The following JARID2 variants were observed in gnomAD, a reference collection of about 807,000 sequenced individuals.
The protein encoded by JARID2 is jumonji and AT-rich interaction domain containing 2, also known as protein Jumonji.
A neutral mutation model predicts 125.6 loss-of-function variants in JARID2; 21 were observed. The ratio of observed to expected loss-of-function variants is 0.17; its 90% CI spans 0.12 to 0.24. JARID2 has a LOEUF of 0.24. JARID2 is among the 10% of genes least tolerant of loss of function. JARID2 has a pLI of 1.00. For missense variants in JARID2, 1,303 were observed against 1,639.6 expected, an observed-to-expected ratio of 0.79 and a Z score of 3.55; for synonymous variants, 736 against 661.6, an observed-to-expected ratio of 1.11 and a Z score of -1.73.
chr6:15,266,139 A>G (rs1222068424), intron 1 of JARID2, among the ~76,000 whole-genome samples: 1 of 152,098 alleles, frequency 6.6e-6, no homozygotes, highest in Non-Finnish European at 1.5e-5. Context: ...GTGTCTTCCC[A>G]TTTTACCTTA....
At chr6:15,332,224 G>T (rs551427768) in intron 1 of JARID2, among the ~76,000 whole-genome samples, 1 of 152,146 alleles carries the variant, frequency 6.6e-6, no homozygotes, top group African/African-American at 2.4e-5. Context: ...TATTTACAGG[G>T]CATGTCAAAT....
intron 3 of JARID2, among the ~76,000 whole-genome samples, chr6:15,448,795 C>G (rs1394787991): frequency 2.0e-5 from 3 of 151,788 alleles, no homozygotes; most frequent in South Asian, 2.1e-4. Context: ...ACTGTGTGCT[C>G]GAGACCTGGC....
chr6:15,409,112 T>C (rs923255155), intron 2 of JARID2, among the ~76,000 whole-genome samples: 4 of 152,236 alleles, frequency 2.6e-5, no homozygotes, highest in African/African-American at 9.6e-5. Flanking sequence ...TCAGAATGTT[T>C]ATGTATTTTT....
chr6:15,261,963 G>A (rs1447018494), intron 1 of JARID2, among the ~76,000 whole-genome samples: 2 of 151,664 alleles, frequency 1.3e-5, no homozygotes, highest in African/African-American at 2.4e-5. Context: ...TGTATTTTTA[G>A]TAGAGGCGGG....
At chr6:15,488,113 C>G (rs1415414843) in intron 6 of JARID2, among the ~76,000 whole-genome samples, 1 of 152,164 alleles carries the variant, frequency 6.6e-6, no homozygotes, top group Non-Finnish European at 1.5e-5. Context: ...GTGGCTGCCA[C>G]CCTGACCACC....
Position 15,501,169 on chromosome 6 carries a change from G to T in JARID2, c.2208G>T (p.Pro736=), listed in dbSNP as rs771749409. 3 of 1,614,094 alleles carry T rather than the reference G, an allele frequency of 1.9e-6. No homozygotes were observed. The highest frequency in any genetic ancestry group is 1.7e-6 in the Non-Finnish European group (2 of 1,180,000). Residue 736 remains proline, a synonymous_variant, in exon 8 of 18, where the codon CCG becomes CCT. Coordinates refer to ENST00000341776, the MANE Select transcript of JARID2 (RefSeq NM_004973.4). ...AGATCCTGGAGAAGCGCAAGGGGCC[G>T]CTGGAAGGCCACACAGAGAACGACC... ...EKEILEKRKG[P]LEGHTENDHH...
chr6:15,479,037 C>T (rs1178241971), intron 5 of JARID2, among the ~76,000 whole-genome samples: 2 of 152,184 alleles, frequency 1.3e-5, no homozygotes, highest in East Asian at 3.8e-4. Context: ...TTAACGCCAT[C>T]CTTTTCTGAG....
At chr6:15,464,729 A>G (rs1344562082) in intron 4 of JARID2, among the ~76,000 whole-genome samples, 1 of 152,126 alleles carries the variant, frequency 6.6e-6, no homozygotes, top group African/African-American at 2.4e-5. Flanking sequence ...TCCATTCAAC[A>G]TATTACCTCC....
intron 16 of JARID2, among the ~76,000 whole-genome samples, chr6:15,515,074 GTC>G (rs1202597304): frequency 3.3e-5 from 5 of 151,676 alleles, no homozygotes; most frequent in Non-Finnish European, 7.4e-5. Flanking sequence ...GTTTGAGACA[GTC>G]TTGCTCTGTT....
At position 15,318,486 on chromosome 6, in the gene JARID2, T is replaced by TTGG. The variant is rs1165483550; in HGVS notation, c.46-55617_46-55615dup. On this transcript the variant is annotated intron_variant, in intron 1 of 17. Transcript: ENST00000341776. ...GTTTTTGTTGTTTTTTGTTTATGCT[T>TTGG]TGGTGGTGGTGGTGGTTGCTACCAC... Among the ~76,000 whole-genome samples, 9 of 152,252 alleles carry TTGG rather than the reference T, an allele frequency of 5.9e-5. No homozygotes were observed. The South Asian group carries it at 1.2e-3, about 21-fold the overall frequency.
At chr6:15,332,939 T>C (rs1204430463) in intron 1 of JARID2, among the ~76,000 whole-genome samples, 2 of 120,780 alleles carry the variant, frequency 1.7e-5, no homozygotes, top group East Asian at 2.3e-4. Flanking sequence ...TCTTTTCTTT[T>C]TTTTTTTTTT....
At chr6:15,446,327 T>A (rs1367771894) in intron 3 of JARID2, among the ~76,000 whole-genome samples, 3 of 152,068 alleles carry the variant, frequency 2.0e-5, no homozygotes, top group African/African-American at 7.2e-5. Context: ...AGCAATGGCT[T>A]TGGGGTTAGG....
At chr6:15,302,618 ATTTC>A (rs1295262510) in intron 1 of JARID2, among the ~76,000 whole-genome samples, 1 of 152,152 alleles carries the variant, frequency 6.6e-6, no homozygotes, top group Non-Finnish European at 1.5e-5. Context: ...TTAAGTGAGA[ATTTC>A]TTTCTAAATC....
At chr6:15,413,444 G>C (rs1017991723) in intron 3 of JARID2, among the ~76,000 whole-genome samples, 9 of 152,160 alleles carry the variant, frequency 5.9e-5, no homozygotes, top group African/African-American at 2.2e-4. Context: ...AGCTGAGACG[G>C]GGTAACTTTA....
chr6:15,310,216 A>G (rs1464398313), intron 1 of JARID2, among the ~76,000 whole-genome samples: 4 of 152,234 alleles, frequency 2.6e-5, no homozygotes, highest in Admixed American at 2.0e-4. Context: ...CAAAACAAGC[A>G]TGTGATTTAT....
Position 15,405,247 on chromosome 6 carries a change from G to T in JARID2, c.182-4977G>T, listed in dbSNP as rs539647502. On this transcript the variant is annotated intron_variant, in intron 2 of 17. Transcript: ENST00000341776. ...ACTCAGAAGCCTGTTTTGTTGTATT[G>T]TTTTGTGCGGTCTTTTCATTTCTTG... is the stretch of plus-strand genomic sequence containing the variant. 5.3e-5 allele frequency among the ~76,000 whole-genome samples: 8 copies of T among 152,328 alleles called. No individual in the cohort carries two copies. The South Asian group carries it at 1.5e-3, about 28-fold the overall frequency.
chr6:15,393,075 T>A (rs1162068042), intron 2 of JARID2, among the ~76,000 whole-genome samples: 1 of 152,192 alleles, frequency 6.6e-6, no homozygotes, highest in African/African-American at 2.4e-5. Flanking sequence ...AGAGGCAGGA[T>A]ACGCATGAAA....
chr6:15,374,245 T>G lies in JARID2; in HGVS notation c.174T>G (p.Thr58=). Residue 58 remains threonine (T), a synonymous_variant, in exon 2 of 18, where the codon ACT becomes ACG. Transcript: ENST00000341776. Reference sequence around the variant, plus strand: ...AAGGCATTGCTGGGAGCCTGAAAACTGTGAATGGTGAGTTGACTCTTGGAA... The same window carrying G: ...AAGGCATTGCTGGGAGCCTGAAAACGGTGAATGGTGAGTTGACTCTTGGAA... The part of the protein sequence containing the change: ...HAEGIAGSLK[T]VNGLLGNDQS... 6.2e-7 allele frequency: 1 copy of G among 1,613,824 alleles called. No individual in the cohort carries two copies. The highest frequency in any genetic ancestry group is 8.5e-7 in the Non-Finnish European group (1 of 1,179,830).
intron 5 of JARID2, among the ~76,000 whole-genome samples, chr6:15,469,890 G>T (rs1443820802): frequency 2.0e-5 from 3 of 152,098 alleles, no homozygotes; most frequent in Non-Finnish European, 4.4e-5. Flanking sequence ...TAAGAAAAGA[G>T]GAAAGAGGCT....
Sources: allele counts gnomAD v4.1 joint callset (sites outside exome capture counted in the v4.1 genomes callset), GRCh38; gene constraint gnomAD v4.1.1; transcripts MANE v1.5; gene names NCBI Gene and HGNC (gene_info 2026-07-23, HGNC 2026-07-21).